CENPE: variants seen among roughly 807,000 people sequenced by gnomAD.
CENPE encodes the protein centromere-associated protein E.
Under a neutral mutation model 336.1 loss-of-function variants are expected in CENPE, and 145 were observed. The ratio of observed to expected loss-of-function variants is 0.43; its 90% CI spans 0.38 to 0.50. The LOEUF (loss-of-function observed/expected upper bound fraction) is 0.50, where lower values mean the gene tolerates loss of function less well. Among genes scored for constraint, CENPE ranks in the 20% least tolerant of loss-of-function variants. The probability of loss-of-function intolerance (pLI) is 0.00; values close to 1 mark genes in which losing one functional copy is unlikely to be tolerated. For synonymous variants in CENPE, 1,013 were observed against 984.8 expected, an observed-to-expected ratio of 1.03 and a Z score of -0.54; for missense variants, 2,719 against 3,023.3, an observed-to-expected ratio of 0.90 and a Z score of 2.36.
intron 29 of CENPE, among the ~76,000 whole-genome samples, chr4:103,146,320 G>A (rs1753054030): frequency 6.6e-6 from 1 of 152,148 alleles, no homozygotes; most frequent in Admixed American, 6.5e-5. Flanking sequence ...ATTCGAGGCT[G>A]GAGACAAAAT....
chr4:103,137,300 C>A (rs1425315843), intron 39 of CENPE, among the ~76,000 whole-genome samples: 1 of 152,052 alleles, frequency 6.6e-6, no homozygotes, highest in Non-Finnish European at 1.5e-5. Context: ...AATCTGGACC[C>A]ATAGACTCAA....
intron 29 of CENPE, 61 bp from the exon 30 acceptor site, chr4:103,146,168 T>C (rs1753041438): frequency 4.1e-6 from 6 of 1,456,930 alleles, no homozygotes; most frequent in Middle Eastern, 2.1e-4. Context: ...TAGGGGAAAA[T>C]AAATCAGGAT....
Position 103,174,802 on chromosome 4 carries a change from T to C in CENPE, c.1581A>G (p.Lys527=). 1 of 1,553,752 alleles carries C rather than the reference T, an allele frequency of 6.4e-7. No homozygotes were observed. The highest frequency in any genetic ancestry group is 8.7e-7 in the Non-Finnish European group (1 of 1,149,546). The part of the protein sequence containing the change: ...LRTEKEEMEL[K]LKEKNDLDEF... Reference sequence around the variant, plus strand: ...CATCCAAATCATTCTTTTCTTTTAATTTCAATTCCATTTCTTCTTTTTCTG... The same window carrying C: ...CATCCAAATCATTCTTTTCTTTTAACTTCAATTCCATTTCTTCTTTTTCTG... Residue 527 remains lysine, a synonymous_variant, in exon 16 of 49, where the codon AAA becomes AAG. Coordinates refer to ENST00000265148, the MANE Select transcript of CENPE (RefSeq NM_001813.3).
chr4:103,110,865 T>C lies in CENPE; in HGVS notation c.7687A>G (p.Asn2563Asp). The C allele has an allele frequency of 6.2e-7, 1 of 1,606,104 alleles. No homozygotes were observed. Among genetic ancestry groups the C allele is most frequent in the Non-Finnish European group, 8.5e-7 (1 of 1,177,396 alleles). ...TTCTTTTGTTTTATTAGCTGTTCAT[T>C]TTGCTGCTTTAACTTAGAAATTTCT... ...EKEISKLKQQNEQLIKQKNEL... is the reference protein window; with the variant it reads ...EKEISKLKQQDEQLIKQKNEL... Residue 2563 changes from asparagine (N) to aspartate (D), a missense_variant, in exon 47 of 49, where the codon AAT (asparagine) becomes GAT (aspartate). Around this residue, in one of 5 missense-constraint regions of CENPE, gnomAD observed 2,437 missense variants for 2,513.3 expected, o/e 0.97. Transcript: ENST00000265148.
In CENPE at chr4:103,136,243, T is replaced by C; in HGVS notation, c.6420A>G (p.Ala2140=). 6.2e-7 allele frequency: 1 copy of C among 1,613,606 alleles called. No individual in the cohort carries two copies. The highest frequency in any genetic ancestry group is 1.1e-5 in the South Asian group (1 of 91,076). The change falls in exon 40 of 49, where the codon GCA becomes GCG. Residue 2140 remains alanine, a synonymous_variant. Coordinates refer to ENST00000265148, the MANE Select transcript of CENPE (RefSeq NM_001813.3). ...FQKELSMRVK[A]NLSLPYLQTK... The stretch of plus-strand genomic sequence containing the variant: ...TTTGTAAATAGGGAAGTGAGAGGTT[T>C]GCTTTAACTCTCATTGAAAGCTCTT...
intron 46 of CENPE, among the ~76,000 whole-genome samples, chr4:103,113,119 AGTATAT>A: frequency 2.0e-5 from 2 of 100,678 alleles, no homozygotes; most frequent in Non-Finnish European, 4.1e-5. Context: ...TATACTTATA[AGTATAT>A]GTGTATATAT....
chr4:103,180,165 CTT>C, intron 13 of CENPE, 144 bp downstream of exon 13: 1 of 567,810 alleles, frequency 1.8e-6, no homozygotes, highest in East Asian at 3.2e-5. Context: ...TAATGAATCT[CTT>C]AGGTACTATG....
intron 20 of CENPE, 79 bp from the exon 21 acceptor site, chr4:103,160,858 C>G: frequency 1.6e-6 from 2 of 1,254,550 alleles, no homozygotes; most frequent in Non-Finnish European, 2.2e-6. Context: ...CTTGAATCAC[C>G]TTTTTCAGGA....
chr4:103,191,080 A>C (rs1386939072), intron 8 of CENPE, among the ~76,000 whole-genome samples: 1 of 152,230 alleles, frequency 6.6e-6, no homozygotes, highest in African/African-American at 2.4e-5. Flanking sequence ...AGAAATGCAA[A>C]TCAAAACCAC....
At chr4:103,186,658 C>T (rs1458481138) in intron 8 of CENPE, among the ~76,000 whole-genome samples, 1 of 152,114 alleles carries the variant, frequency 6.6e-6, no homozygotes. Flanking sequence ...ATGGAGCTTA[C>T]ATTCTACATA....
At chr4:103,112,902 AT>A (rs1749644019) in intron 46 of CENPE, among the ~76,000 whole-genome samples, 1 of 34,296 alleles carries the variant, frequency 2.9e-5, no homozygotes, top group Non-Finnish European at 5.3e-5. Flanking sequence ...GTGTACATAT[AT>A]ACTTATAAGT....
intron 36 of CENPE, 40 bp downstream of exon 36, chr4:103,140,774 T>C (rs747684700): frequency 6.6e-7 from 1 of 1,517,486 alleles, no homozygotes; most frequent in Non-Finnish European, 8.8e-7. Context: ...TGCCCAAATA[T>C]GTGAATATAA....
At chr4:103,151,413 A>G (rs1753557459) in intron 25 of CENPE, 36 bp from the exon 26 acceptor site, 1 of 1,412,028 alleles carries the variant, frequency 7.1e-7, no homozygotes, top group Non-Finnish European at 9.5e-7. Flanking sequence ...TAAAGTAAAT[A>G]TTAGCTAACA....
intron 16 of CENPE, among the ~76,000 whole-genome samples, chr4:103,166,761 G>C (rs1047675911): frequency 7.9e-5 from 12 of 151,900 alleles, no homozygotes; most frequent in Admixed American, 6.6e-4. Flanking sequence ...TTTTTTTGAA[G>C]GGGGGATGTT....
At chr4:103,146,201 G>C (rs1275767969) in intron 29 of CENPE, 94 bp from the exon 30 acceptor site, 2 of 1,099,880 alleles carry the variant, frequency 1.8e-6, no homozygotes, top group Non-Finnish European at 2.6e-6. Flanking sequence ...AATTAAGGCA[G>C]GATTCAGTGC....
intron 29 of CENPE, 133 bp downstream of exon 29, chr4:103,147,223 G>A: frequency 2.8e-6 from 2 of 705,868 alleles, no homozygotes; most frequent in South Asian, 2.3e-5. Flanking sequence ...TCTGTTTCTA[G>A]TCATTTCATG....
At chr4:103,120,452 A>G in intron 43 of CENPE, 119 bp from the exon 44 acceptor site, 1 of 798,998 alleles carries the variant, frequency 1.3e-6, no homozygotes, top group East Asian at 2.8e-5. Flanking sequence ...TGTATTAACA[A>G]TGGATAGAAG....
chr4:103,139,647 G>T, intron 38 of CENPE, 142 bp downstream of exon 38: 3 of 666,282 alleles, frequency 4.5e-6, no homozygotes, highest in South Asian at 3.3e-5. Flanking sequence ...TTTCTATTGT[G>T]TAAAAATTAG....
intron 16 of CENPE, among the ~76,000 whole-genome samples, chr4:103,166,311 A>G (rs56378042): frequency 0.15 from 22,245 of 152,208 alleles, 1,938 homozygotes; most frequent in South Asian, 0.31. Context: ...CGGTAAGTTT[A>G]TAAGTGGCAA....
Sources: gnomAD v4.1 joint callset for allele counts (sites outside exome capture counted in the v4.1 genomes callset) on GRCh38, gnomAD v4.1.1 for gene constraint, gnomAD v4.1.1 regional missense constraint, MANE v1.5 for transcripts, NCBI Gene and HGNC (gene_info 2026-07-23, HGNC 2026-07-21) for gene names.